CCDC138: variants seen among roughly 807,000 people sequenced by gnomAD.
CCDC138 encodes coiled-coil domain containing 138.
In CCDC138, 66 loss-of-function variants were observed where a neutral mutation model predicts 82.3. The observed-to-expected ratio is 0.80, with a 90% confidence interval of 0.66 to 0.98. The LOEUF (loss-of-function observed/expected upper bound fraction) is 0.98. Ranked by LOEUF, CCDC138 falls within the 50% of genes least tolerant of loss-of-function variation. The pLI is 0.00. For missense variants in CCDC138, 816 were observed against 758.9 expected (o/e 1.08, Z -0.88); for synonymous variants, 297 against 265.4 (o/e 1.12, Z -1.16).
At chr2:108,792,485 A>G (rs1178797753) in intron 4 of CCDC138, among the ~76,000 whole-genome samples, 13 of 152,182 alleles carry the variant, frequency 8.5e-5, no homozygotes, top group African/African-American at 1.4e-4. Flanking sequence ...AAAAGCCACA[A>G]TGACTTTTGC....
intron 10 of CCDC138, among the ~76,000 whole-genome samples, chr2:108,830,904 G>A (rs1242889446): frequency 6.8e-6 from 1 of 146,400 alleles, no homozygotes; most frequent in Non-Finnish European, 1.5e-5. Flanking sequence ...GCCAGGTGCG[G>A]TGGCTCACGC....
At chr2:108,837,673 G>T (rs1321547982) in intron 10 of CCDC138, among the ~76,000 whole-genome samples, 1 of 152,128 alleles carries the variant, frequency 6.6e-6, no homozygotes, top group Non-Finnish European at 1.5e-5. Context: ...AGCACACACA[G>T]CTATGTAGAG....
chr2:108,854,041 T>C lies in CCDC138; in HGVS notation c.1517-2753T>C, dbSNP rs866930706. ...TAATAAATTTATATTATATATAATA[T>C]ATAATAAATTTATATTATATATATT... On this transcript the variant is annotated intron_variant, in intron 12 of 14. Transcript: ENST00000295124. Among the ~76,000 whole-genome samples the C allele has an allele frequency of 2.6e-3, 288 of 112,674 alleles. 2 individuals are homozygous for C. The highest frequency in any genetic ancestry group is 0.01 in the African/African-American group (268 of 25,846). 73.9% of individuals were successfully genotyped at this position (112,674 alleles called of 152,430 possible). A position where few individuals can be genotyped will look rare whatever the true frequency, so the allele number is the denominator to read the frequency against.
chr2:108,792,187 A>T (rs1374162266), intron 4 of CCDC138, among the ~76,000 whole-genome samples: 1 of 152,168 alleles, frequency 6.6e-6, no homozygotes, highest in Non-Finnish European at 1.5e-5. Flanking sequence ...CGGGATTTCA[A>T]GGAATGAGAC....
intron 7 of CCDC138, among the ~76,000 whole-genome samples, chr2:108,808,872 C>T (rs1052335092): frequency 6.6e-6 from 1 of 152,190 alleles, no homozygotes; most frequent in African/African-American, 2.4e-5. Flanking sequence ...CTTTTGAGGT[C>T]TTATCCATAG....
chr2:108,793,493 T>C (rs1680293621), intron 4 of CCDC138, among the ~76,000 whole-genome samples: 1 of 152,206 alleles, frequency 6.6e-6, no homozygotes, highest in Admixed American at 6.5e-5. Flanking sequence ...ACAGCCACTT[T>C]GGAAAACAAT....
At chr2:108,863,665 G>T (rs1574286870) in intron 13 of CCDC138, among the ~76,000 whole-genome samples, 1 of 152,080 alleles carries the variant, frequency 6.6e-6, no homozygotes, top group East Asian at 1.9e-4. Context: ...TTTAATTATT[G>T]CTTAATATTT....
At chr2:108,798,385 T>C in intron 5 of CCDC138, 43 bp from the exon 6 acceptor site, 2 of 1,577,064 alleles carry the variant, frequency 1.3e-6, no homozygotes, top group Non-Finnish European at 1.7e-6. Context: ...TTTGCAGAAT[T>C]TGTGACTTTT....
chr2:108,787,354 C>G (rs997318373), intron 1 of CCDC138, among the ~76,000 whole-genome samples: 1 of 152,186 alleles, frequency 6.6e-6, no homozygotes, highest in African/African-American at 2.4e-5. Context: ...CTTTACCATT[C>G]GTTCTCTCCC....
intron 12 of CCDC138, among the ~76,000 whole-genome samples, chr2:108,849,810 T>C (rs958367228): frequency 6.6e-6 from 1 of 152,234 alleles, no homozygotes; most frequent in Non-Finnish European, 1.5e-5. Context: ...CCAGTGTTCA[T>C]CTACTACCTG....
chr2:108,880,899 A>G (rs1696271666), downstream of CCDC138, among the ~76,000 whole-genome samples: 1 of 152,238 alleles, frequency 6.6e-6, no homozygotes, highest in Non-Finnish European at 1.5e-5. Context: ...ACGTAATTTC[A>G]ACTTTCAAGT....
rs533329341 is a variant in CCDC138 at position 108,871,683 on chromosome 2, C to A, written c.1694-1768C>A. Reference sequence around the variant, plus strand: ...ATTTTAACCATTTTTTAATTGTATACCCTATTTAAATACTGTGTTCTACAC... The same window carrying A: ...ATTTTAACCATTTTTTAATTGTATAACCTATTTAAATACTGTGTTCTACAC... On this transcript the variant is annotated intron_variant, in intron 13 of 14. Transcript: ENST00000295124. 2.0e-5 allele frequency among the ~76,000 whole-genome samples: 3 copies of A among 152,092 alleles called. No individual in the cohort carries two copies. In the East Asian group the frequency reaches 5.8e-4, roughly 29 times the overall value.
Position 108,791,808 on chromosome 2 carries a change from A to G in CCDC138, c.394+6A>G, listed in dbSNP as rs1558964003. On this transcript the variant is annotated splice_donor_region_variant and intron_variant, in intron 4 of 14. Coordinates refer to ENST00000295124, the MANE Select transcript of CCDC138 (RefSeq NM_144978.3). ...TTTTAAAGAAATAGAAAAAGGTAAA[A>G]TAAATATTTTAGAACAATCAATTCA... 11 of 1,575,782 alleles carry G rather than the reference A, an allele frequency of 7.0e-6. No individual in the cohort carries two copies. In the Middle Eastern group the frequency reaches 1.2e-3, roughly 170 times the overall value.
At chr2:108,866,484 T>G (rs1156788978) in intron 13 of CCDC138, among the ~76,000 whole-genome samples, 1 of 152,236 alleles carries the variant, frequency 6.6e-6, no homozygotes, top group Non-Finnish European at 1.5e-5. Context: ...TGGTACCAGT[T>G]TACATGTGTA....
intron 13 of CCDC138, among the ~76,000 whole-genome samples, chr2:108,859,476 G>C (rs1693204259): frequency 6.6e-6 from 1 of 151,962 alleles, no homozygotes; most frequent in African/African-American, 2.4e-5. Context: ...TTTTGCCTAG[G>C]CCAATGTCCA....
rs1427625181 is a variant in CCDC138 at position 108,786,780 on chromosome 2, A to G, written c.-43A>G. On this transcript the variant is annotated 5_prime_UTR_variant, in exon 1 of 15. It removes an upstream start codon present in the reference 5' UTR. Transcript: ENST00000295124. ...GCGGCCGCGTAGCGCCGCGGGTTTG[A>G]TGAACGCGGTTCCCGGGGAGACTGG... 2.6e-6 allele frequency: 4 copies of G among 1,531,434 alleles called. No homozygotes were observed. Among genetic ancestry groups the G allele is most frequent in the East Asian group, 2.4e-5 (1 of 42,316 alleles). 94.9% of individuals were successfully genotyped at this position (1,531,434 alleles called of 1,614,324 possible).
intron 10 of CCDC138, among the ~76,000 whole-genome samples, chr2:108,830,171 A>G (rs911380890): frequency 6.6e-6 from 1 of 152,224 alleles, no homozygotes; most frequent in African/African-American, 2.4e-5. Context: ...GACAAATATG[A>G]GATGATTCTG....
chr2:108,845,989 A>C (rs1690401946), intron 11 of CCDC138, among the ~76,000 whole-genome samples: 1 of 152,162 alleles, frequency 6.6e-6, no homozygotes, highest in Non-Finnish European at 1.5e-5. Flanking sequence ...CATGAGAATT[A>C]TCTATGATTC....
intron 13 of CCDC138, among the ~76,000 whole-genome samples, chr2:108,865,779 G>A (rs1694314269): frequency 6.6e-6 from 1 of 152,114 alleles, no homozygotes; most frequent in Non-Finnish European, 1.5e-5. Flanking sequence ...TAAAGAGCTG[G>A]GGTTTTTGCC....
Sources: allele counts gnomAD v4.1 joint callset (sites outside exome capture counted in the v4.1 genomes callset), GRCh38; gene constraint gnomAD v4.1.1; transcripts MANE v1.5; gene names NCBI Gene and HGNC (gene_info 2026-07-23, HGNC 2026-07-21).